Variants in CAMK1D observed in about 807,000 individuals in gnomAD.
CAMK1D encodes calcium/calmodulin-dependent protein kinase type 1D.
A neutral mutation model predicts 47.7 loss-of-function variants in CAMK1D; 9 were observed. The ratio of observed to expected loss-of-function variants is 0.19; its 90% CI spans 0.11 to 0.33. The LOEUF is 0.33. Ranked by LOEUF, CAMK1D falls within the 10% of genes least tolerant of loss-of-function variation. The pLI is 1.00. For synonymous variants in CAMK1D, 184 were observed against 184.9 expected, an observed-to-expected ratio of 0.99 and a Z score of 0.04; for missense variants, 291 against 488.7, an observed-to-expected ratio of 0.60 and a Z score of 3.81.
chr10:12,564,850 T>C (rs1340653056), intron 2 of CAMK1D, among the ~76,000 whole-genome samples: 1 of 152,236 alleles, frequency 6.6e-6, no homozygotes, highest in African/African-American at 2.4e-5. Flanking sequence ...ATGACCTAAG[T>C]ATACACACAT....
chr10:12,816,540 T>G (rs1266100101), intron 8 of CAMK1D, among the ~76,000 whole-genome samples: 1 of 152,070 alleles, frequency 6.6e-6, no homozygotes, highest in East Asian at 1.9e-4. Flanking sequence ...CATGAGAAGT[T>G]AGTATGTGTA....
intron 2 of CAMK1D, among the ~76,000 whole-genome samples, chr10:12,567,857 C>G (rs567214365): frequency 2.0e-5 from 3 of 152,010 alleles, no homozygotes; most frequent in African/African-American, 7.3e-5. Flanking sequence ...CCTCGAATTT[C>G]GAGCTTGAAT....
At chr10:12,764,225 A>G (rs1588898872) in intron 4 of CAMK1D, among the ~76,000 whole-genome samples, 3 of 152,212 alleles carry the variant, frequency 2.0e-5, no homozygotes, top group Non-Finnish European at 4.4e-5. Context: ...TACTAAAAAT[A>G]CAAAAATTAG....
intron 3 of CAMK1D, among the ~76,000 whole-genome samples, chr10:12,678,032 A>AG (rs956080604): frequency 6.7e-5 from 8 of 118,848 alleles, no homozygotes; most frequent in Non-Finnish European, 1.2e-4. Flanking sequence ...AAGAAGATAA[A>AG]GAAAAAAAAA....
chr10:12,578,437 G>A (rs911394637), intron 2 of CAMK1D, among the ~76,000 whole-genome samples: 1 of 151,840 alleles, frequency 6.6e-6, no homozygotes, highest in Admixed American at 6.6e-5. Context: ...GGGCGTGGTG[G>A]TGCATCCCTG....
intron 2 of CAMK1D, among the ~76,000 whole-genome samples, chr10:12,591,277 C>G (rs887011645): frequency 1.3e-5 from 2 of 152,160 alleles, no homozygotes; most frequent in Non-Finnish European, 2.9e-5. Flanking sequence ...AGCAATTGGC[C>G]CGGCATGCCC....
intron 1 of CAMK1D, among the ~76,000 whole-genome samples, chr10:12,424,035 G>T (rs1297174992): frequency 6.6e-6 from 1 of 152,044 alleles, no homozygotes; most frequent in Non-Finnish European, 1.5e-5. Context: ...CTTCATCCAC[G>T]CCGTGCGGCC....
At chr10:12,622,148 C>G (rs1839018096) in intron 2 of CAMK1D, among the ~76,000 whole-genome samples, 1 of 152,180 alleles carries the variant, frequency 6.6e-6, no homozygotes, top group East Asian at 1.9e-4. Flanking sequence ...TTGACACCAC[C>G]AGGCGTGGGG....
intron 3 of CAMK1D, among the ~76,000 whole-genome samples, chr10:12,671,795 C>T (rs1023342913): frequency 6.6e-6 from 1 of 151,116 alleles, no homozygotes; most frequent in Non-Finnish European, 1.5e-5. Context: ...TGTCTTTCTA[C>T]TTTCTTGATA....
intron 5 of CAMK1D, among the ~76,000 whole-genome samples, chr10:12,780,522 G>A (rs1253732846): frequency 2.0e-5 from 3 of 151,978 alleles, no homozygotes; most frequent in African/African-American, 7.3e-5. Flanking sequence ...TCTTCACTCC[G>A]TACAGCCAAG....
intron 8 of CAMK1D, among the ~76,000 whole-genome samples, chr10:12,823,352 T>C (rs1013157162): frequency 6.6e-6 from 1 of 152,020 alleles, no homozygotes; most frequent in Admixed American, 6.6e-5. Context: ...AACCCAGAAT[T>C]GAATAGTTTG....
chr10:12,355,231 T>C (rs1220677110), intron 1 of CAMK1D, among the ~76,000 whole-genome samples: 1 of 152,126 alleles, frequency 6.6e-6, no homozygotes, highest in African/African-American at 2.4e-5. Context: ...TAGCAGTGTG[T>C]CTCCTTTTTC....
chr10:12,416,462 C>T (rs1435806883), intron 1 of CAMK1D, among the ~76,000 whole-genome samples: 1 of 152,274 alleles, frequency 6.6e-6, no homozygotes, highest in South Asian at 2.1e-4. Flanking sequence ...TAGCACAGAA[C>T]AGGGGTTGGA....
chr10:12,592,706 C>T (rs1466222987), intron 2 of CAMK1D, among the ~76,000 whole-genome samples: 1 of 152,186 alleles, frequency 6.6e-6, no homozygotes, highest in African/African-American at 2.4e-5. Context: ...CCAAACACAG[C>T]CTGGTCCGTA....
intron 1 of CAMK1D, among the ~76,000 whole-genome samples, chr10:12,496,873 A>G (rs1256894534): frequency 6.6e-6 from 1 of 152,038 alleles, no homozygotes; most frequent in Non-Finnish European, 1.5e-5. Context: ...TATTTTCCCT[A>G]ATGCTCTCCT....
At chr10:12,517,023 G>T (rs964119768) in intron 1 of CAMK1D, among the ~76,000 whole-genome samples, 7 of 152,116 alleles carry the variant, frequency 4.6e-5, no homozygotes, top group African/African-American at 1.7e-4. Flanking sequence ...GACATGATCT[G>T]TCCATTTATT....
chr10:12,732,981 C>G (rs1411798061), intron 3 of CAMK1D, among the ~76,000 whole-genome samples: 2 of 152,114 alleles, frequency 1.3e-5, no homozygotes, highest in African/African-American at 4.8e-5. Context: ...CAGAGCAGTT[C>G]TGAGGGTTAA....
At chr10:12,351,901 G>A (rs1837364920) in intron 1 of CAMK1D, among the ~76,000 whole-genome samples, 4 of 152,148 alleles carry the variant, frequency 2.6e-5, no homozygotes, top group Admixed American at 6.5e-5. Flanking sequence ...CTGTAGCACT[G>A]GCATTGGACC....
At chr10:12,372,170 A>G (rs1165825613) in intron 1 of CAMK1D, among the ~76,000 whole-genome samples, 7 of 152,238 alleles carry the variant, frequency 4.6e-5, no homozygotes, top group Non-Finnish European at 8.8e-5. Context: ...GTAAATGCAC[A>G]CTGTGATGTT....
Sources: gnomAD v4.1 joint callset for allele counts (sites outside exome capture counted in the v4.1 genomes callset) on GRCh38, gnomAD v4.1.1 for gene constraint, MANE v1.5 for transcripts, NCBI Gene and HGNC (gene_info 2026-07-23, HGNC 2026-07-21) for gene names.